USH2A: variants seen among roughly 807,000 people sequenced by gnomAD.
The protein encoded by USH2A is Usher syndrome 2A (autosomal recessive, mild).
In USH2A, 443 loss-of-function variants were observed where a neutral mutation model predicts 538.9. The observed-to-expected ratio is 0.82, with a 90% CI of 0.76 to 0.89. The LOEUF (loss-of-function observed/expected upper bound fraction) is 0.89. Among genes scored for constraint, USH2A ranks in the 40% least tolerant of loss-of-function variants. The pLI, the probability that USH2A is intolerant of heterozygous loss-of-function variation, is 0.00. For synonymous variants in USH2A, 2,413 were observed against 2,273.5 expected, an observed-to-expected ratio of 1.06 and a Z score of -1.75; for missense variants, 6,633 against 6,324.8, an observed-to-expected ratio of 1.05 and a Z score of -1.65.
At chr1:215,792,487 T>G (rs1240370563) in intron 50 of USH2A, among the ~76,000 whole-genome samples, 1 of 152,210 alleles carries the variant, frequency 6.6e-6, no homozygotes, top group Admixed American at 6.5e-5. Flanking sequence ...ACAGATAAAC[T>G]GTGACAGTGC....
At chr1:215,930,133 C>T (rs1324015580) in intron 38 of USH2A, among the ~76,000 whole-genome samples, 3 of 152,008 alleles carry the variant, frequency 2.0e-5, no homozygotes, top group Non-Finnish European at 4.4e-5. Context: ...TATTTACTCT[C>T]AGAGGAAAAT....
rs773686399 is a variant in USH2A, at chr1:216,247,241, T to A, written c.2168-15A>T. The A allele has an allele frequency of 6.2e-7, 1 of 1,613,366 alleles. No homozygotes were observed. Among genetic ancestry groups the A allele is most frequent in the Admixed American group, 1.7e-5 (1 of 59,966 alleles). On this transcript the variant is annotated splice_polypyrimidine_tract_variant and intron_variant, in intron 12 of 71. Transcript: ENST00000307340. ...ACACCTAAGCCCTAAAGATAAAATA[T>A]ATTTAAAAGGTGAGGATGGGAAAAT...
At chr1:216,304,501 T>C (rs2037276014) in intron 9 of USH2A, among the ~76,000 whole-genome samples, 1 of 152,048 alleles carries the variant, frequency 6.6e-6, no homozygotes, top group African/African-American at 2.4e-5. Context: ...TTCATTATTA[T>C]AATAGATCTT....
intron 32 of USH2A, among the ~76,000 whole-genome samples, chr1:216,039,159 T>C (rs951829416): frequency 2.6e-5 from 4 of 152,010 alleles, no homozygotes; most frequent in Non-Finnish European, 5.9e-5. Flanking sequence ...TGACCCTTTG[T>C]TGCTCGATGA....
At chr1:216,170,253 T>C (rs1407359666) in intron 21 of USH2A, among the ~76,000 whole-genome samples, 1 of 152,160 alleles carries the variant, frequency 6.6e-6, no homozygotes, top group African/African-American at 2.4e-5. Context: ...GGTGGTTGCA[T>C]TTCTTTTTTC....
intron 13 of USH2A, among the ~76,000 whole-genome samples, chr1:216,241,828 G>C (rs1490102905): frequency 6.6e-6 from 1 of 152,108 alleles, no homozygotes; most frequent in African/African-American, 2.4e-5. Context: ...CACCATGTGC[G>C]GCCATTAGGA....
Position 216,422,434 on chromosome 1 carries a change from G to A in USH2A, c.-98C>T. On this transcript the variant is annotated 5_prime_UTR_variant, in exon 2 of 72. Coordinates refer to ENST00000307340, the MANE Select transcript of USH2A (RefSeq NM_206933.4). ...AATACTTTGAAGCAGGGTACTTTAA[G>A]TGATGTTGCGATACTCCATTTTCTG... 1.9e-6 allele frequency: 3 copies of A among 1,553,614 alleles called. No homozygotes were observed. Among genetic ancestry groups the A allele is most frequent in the Non-Finnish European group, 2.6e-6 (3 of 1,139,314 alleles).
chr1:216,348,117 C>G (rs2038214051), intron 4 of USH2A, among the ~76,000 whole-genome samples: 1 of 152,080 alleles, frequency 6.6e-6, no homozygotes, highest in Admixed American at 6.6e-5. Flanking sequence ...CTCCTGTAAA[C>G]AAAATTTGGG....
chr1:215,739,984 T>C (rs1456459785), intron 60 of USH2A, among the ~76,000 whole-genome samples: 1 of 152,180 alleles, frequency 6.6e-6, no homozygotes, highest in Non-Finnish European at 1.5e-5. Flanking sequence ...TTCTGCTTTG[T>C]ACGCTAAAGG....
chr1:216,263,155 A>G (rs2102569380), intron 11 of USH2A, among the ~76,000 whole-genome samples: 1 of 152,266 alleles, frequency 6.6e-6, no homozygotes. Flanking sequence ...AACAAAGAAA[A>G]GTCCAGGATC....
At chr1:215,942,622 C>A (rs529064196) in intron 37 of USH2A, among the ~76,000 whole-genome samples, 1 of 152,188 alleles carries the variant, frequency 6.6e-6, no homozygotes, top group East Asian at 1.9e-4. Flanking sequence ...GTAACATTAA[C>A]AATTTTAGTT....
chr1:215,628,702 A>G, intron 71 of USH2A, 112 bp downstream of exon 71: 1 of 1,097,082 alleles, frequency 9.1e-7, no homozygotes, highest in Non-Finnish European at 1.4e-6. Flanking sequence ...TCACTGGCTA[A>G]GTGCTCAGAG....
At chr1:216,125,944 A>T (rs2033243710) in intron 21 of USH2A, among the ~76,000 whole-genome samples, 1 of 152,204 alleles carries the variant, frequency 6.6e-6, no homozygotes, top group Non-Finnish European at 1.5e-5. Context: ...GACAGCTGCC[A>T]ATTTAAGTGA....
In USH2A at chr1:215,728,247, G is replaced by A. The variant is rs1178515950; in HGVS notation, c.11849C>T (p.Ser3950Leu). The stretch of plus-strand genomic sequence containing the variant: ...TGTTAATGACCACAGACTCTCCACT[G>A]AACCCTTGGAGTTACAGGCTCTGAC... ...YRVRACNSKG[S>L]VESLWSLTQT... Residue 3950 changes from serine (S) to leucine (L), a missense_variant, in exon 61 of 72, where the codon TCA (serine) becomes TTA (leucine). By Grantham distance (145) the Ser-to-Leu change is moderately radical (BLOSUM62 -2). Coordinates refer to ENST00000307340, the MANE Select transcript of USH2A (RefSeq NM_206933.4). 3 of 1,614,106 alleles carry A rather than the reference G, an allele frequency of 1.9e-6. No individual in the cohort carries two copies. The highest frequency in any genetic ancestry group is 2.5e-6 in the Non-Finnish European group (3 of 1,180,026).
chr1:216,008,020 A>T (rs977254458), intron 32 of USH2A, among the ~76,000 whole-genome samples: 1 of 152,222 alleles, frequency 6.6e-6, no homozygotes, highest in Non-Finnish European at 1.5e-5. Flanking sequence ...CACAGACAAG[A>T]TTTTCAGAAC....
chr1:215,788,703 T>A (rs1162927062), intron 51 of USH2A, among the ~76,000 whole-genome samples: 3 of 152,110 alleles, frequency 2.0e-5, no homozygotes, highest in East Asian at 1.9e-4. Context: ...GAGATAGGAA[T>A]CAAAATATTA....
chr1:216,171,119 A>G (rs926504884), intron 21 of USH2A, among the ~76,000 whole-genome samples: 6 of 152,108 alleles, frequency 3.9e-5, no homozygotes, highest in African/African-American at 1.4e-4. Flanking sequence ...GAAAAGCAGT[A>G]AATTTGTATC....
chr1:216,169,504 C>G (rs1266136972), intron 21 of USH2A, among the ~76,000 whole-genome samples: 1 of 152,042 alleles, frequency 6.6e-6, no homozygotes, highest in Non-Finnish European at 1.5e-5. Context: ...GAAGGCATTT[C>G]CTGAGAACTT....
At chr1:216,378,402 C>A (rs536739685) in intron 3 of USH2A, among the ~76,000 whole-genome samples, 1 of 152,078 alleles carries the variant, frequency 6.6e-6, no homozygotes, top group Admixed American at 6.5e-5. Flanking sequence ...AGGTAGTTTA[C>A]CTCTACCCTC....
Sources: allele counts gnomAD v4.1 joint callset (sites outside exome capture counted in the v4.1 genomes callset), GRCh38; gene constraint gnomAD v4.1.1; transcripts MANE v1.5; gene names NCBI Gene and HGNC (gene_info 2026-07-23, HGNC 2026-07-21).